Variants in TSPAN5 observed in about 807,000 individuals in gnomAD.
The protein encoded by TSPAN5 is tetraspanin 5, also known as tetraspanin-5.
Under a neutral mutation model 37.1 loss-of-function variants are expected in TSPAN5, and 10 were observed. The ratio of observed to expected loss-of-function variants is 0.27; its 90% CI spans 0.17 to 0.46. The LOEUF (loss-of-function observed/expected upper bound fraction) is 0.46. Among genes scored for constraint, TSPAN5 ranks in the 20% least tolerant of loss-of-function variants. The pLI is 1.00. For missense variants in TSPAN5, 195 were observed against 326.6 expected (o/e 0.60, Z 3.11); for synonymous variants, 110 against 118.9 (o/e 0.93, Z 0.48).
intron 1 of TSPAN5, among the ~76,000 whole-genome samples, chr4:98,518,955 A>G (rs1042880819): frequency 6.6e-5 from 10 of 152,228 alleles, no homozygotes; most frequent in Non-Finnish European, 1.5e-4. Flanking sequence ...CCAACCAAGG[A>G]TTTTAAGCAA....
chr4:98,602,305 A>G (rs754003254), intron 1 of TSPAN5, among the ~76,000 whole-genome samples: 14 of 152,248 alleles, frequency 9.2e-5, no homozygotes, highest in Non-Finnish European at 1.9e-4. Context: ...AAGCACAATA[A>G]AACAAAGCAT....
chr4:98,584,952 C>A (rs982779885), intron 1 of TSPAN5, among the ~76,000 whole-genome samples: 2 of 152,092 alleles, frequency 1.3e-5, no homozygotes, highest in Non-Finnish European at 2.9e-5. Flanking sequence ...GTCCTCCTTC[C>A]ACCGCTTCCC....
At chr4:98,642,914 A>T (rs1271204925) in intron 1 of TSPAN5, among the ~76,000 whole-genome samples, 15 of 152,204 alleles carry the variant, frequency 9.9e-5, no homozygotes, top group African/African-American at 2.4e-5. Context: ...TAAAAAAGCT[A>T]AAAAAAGGTT....
At chr4:98,587,714 C>A (rs748583018) in intron 1 of TSPAN5, among the ~76,000 whole-genome samples, 2 of 152,086 alleles carry the variant, frequency 1.3e-5, no homozygotes, top group Non-Finnish European at 2.9e-5. Context: ...ATGGTGAAAC[C>A]CTGTCTCTAC....
chr4:98,491,341 T>C (rs533314403), intron 2 of TSPAN5, among the ~76,000 whole-genome samples: 2 of 152,214 alleles, frequency 1.3e-5, no homozygotes, highest in Non-Finnish European at 1.5e-5. Context: ...TAGGGATTAC[T>C]TACCTAGCAG....
intron 1 of TSPAN5, chr4:98,574,495 A>G (rs1755190795): frequency 6.6e-6 from 1 of 152,236 alleles, no homozygotes; most frequent in African/African-American, 2.4e-5. Context: ...TTTCCAGTCT[A>G]ACAGGGCCTT....
chr4:98,567,957 CT>C lies in TSPAN5; in HGVS notation c.82-60230del, dbSNP rs1237621294. ...CCTCTTTGAGTTTCACTTTCTTCAT[CT>C]GTAAAATGGGGATGACAACAGGATC... On this transcript the variant is annotated intron_variant, in intron 1 of 7. Transcript: ENST00000305798. Among the ~76,000 whole-genome samples, 7 of 152,116 alleles carry C rather than the reference CT, an allele frequency of 4.6e-5. 1 individual carries two copies. The highest frequency in any genetic ancestry group is 1.7e-4 in the African/African-American group (7 of 41,478).
chr4:98,602,292 G>A (rs1408881244), intron 1 of TSPAN5, among the ~76,000 whole-genome samples: 1 of 152,160 alleles, frequency 6.6e-6, no homozygotes, highest in Non-Finnish European at 1.5e-5. Flanking sequence ...GAGCAATAAA[G>A]TGAAGCACAA....
At chr4:98,486,966 T>C in intron 2 of TSPAN5, 82 bp from the exon 3 acceptor site, 1 of 1,464,808 alleles carries the variant, frequency 6.8e-7, no homozygotes, top group Non-Finnish European at 9.3e-7. Flanking sequence ...GCATTTGTCC[T>C]TTCCCCTCCC....
At chr4:98,522,612 T>G (rs1234074908) in intron 1 of TSPAN5, among the ~76,000 whole-genome samples, 1 of 152,244 alleles carries the variant, frequency 6.6e-6, no homozygotes, top group Non-Finnish European at 1.5e-5. Flanking sequence ...GAATGCAGGA[T>G]GCATGGGGCA....
intron 1 of TSPAN5, among the ~76,000 whole-genome samples, chr4:98,517,037 C>T (rs1480296833): frequency 6.6e-6 from 1 of 152,190 alleles, no homozygotes; most frequent in African/African-American, 2.4e-5. Flanking sequence ...AGCAACACCA[C>T]AAAACAGATT....
At chr4:98,486,340 C>T (rs1228097586) in intron 3 of TSPAN5, among the ~76,000 whole-genome samples, 1 of 152,242 alleles carries the variant, frequency 6.6e-6, no homozygotes, top group Admixed American at 6.5e-5. Flanking sequence ...GCCACAGTCA[C>T]TGTGCTTTTG....
intron 1 of TSPAN5, among the ~76,000 whole-genome samples, chr4:98,621,364 C>CTTTTTTTT (rs59414794): frequency 9.7e-6 from 1 of 102,658 alleles, no homozygotes; most frequent in Non-Finnish European, 1.8e-5. Flanking sequence ...CAATATGTCA[C>CTTTTTTTT]TTTTTTTTTT....
intron 2 of TSPAN5, among the ~76,000 whole-genome samples, chr4:98,507,419 A>T (rs1445539122): frequency 6.6e-6 from 1 of 152,224 alleles, no homozygotes; most frequent in Non-Finnish European, 1.5e-5. Flanking sequence ...ATCTTTGGCT[A>T]ACTGATCAAA....
At chr4:98,571,991 G>C (rs1226551031) in intron 1 of TSPAN5, among the ~76,000 whole-genome samples, 2 of 147,424 alleles carry the variant, frequency 1.4e-5, no homozygotes, top group African/African-American at 5.1e-5. Flanking sequence ...TATTTATTTA[G>C]AGACACAGTC....
intron 1 of TSPAN5, among the ~76,000 whole-genome samples, chr4:98,550,268 T>C (rs901243878): frequency 6.6e-6 from 1 of 152,160 alleles, no homozygotes; most frequent in Admixed American, 6.5e-5. Context: ...CAGTACCATG[T>C]TGTTTTGGTT....
At chr4:98,632,819 G>A (rs1461643500) in intron 1 of TSPAN5, among the ~76,000 whole-genome samples, 3 of 152,180 alleles carry the variant, frequency 2.0e-5, no homozygotes, top group Non-Finnish European at 4.4e-5. Flanking sequence ...GAAGGAAGAG[G>A]AGAAGGGAAT....
intron 2 of TSPAN5, among the ~76,000 whole-genome samples, chr4:98,505,885 A>T (rs984748050): frequency 2.0e-5 from 3 of 152,174 alleles, no homozygotes; most frequent in Admixed American, 1.3e-4. Flanking sequence ...ATCTCAAGAG[A>T]AATCTTGATG....
At chr4:98,615,120 G>A (rs976056639) in intron 1 of TSPAN5, among the ~76,000 whole-genome samples, 1 of 151,676 alleles carries the variant, frequency 6.6e-6, no homozygotes, top group African/African-American at 2.4e-5. Context: ...CCATACCTGT[G>A]TGGCCCAGCC....
Sources: allele counts gnomAD v4.1 joint callset (sites outside exome capture counted in the v4.1 genomes callset), GRCh38; gene constraint gnomAD v4.1.1; transcripts MANE v1.5; gene names NCBI Gene and HGNC (gene_info 2026-07-23, HGNC 2026-07-21).